The following SLC6A16 variants were observed in gnomAD, a reference collection of about 807,000 sequenced individuals.
The protein encoded by SLC6A16 is solute carrier family 6 member 16, also known as orphan sodium- and chloride-dependent neurotransmitter transporter NTT5.
Under a neutral mutation model 65.4 loss-of-function variants are expected in SLC6A16, and 54 were observed. The ratio of observed to expected loss-of-function variants is 0.83; its 90% CI spans 0.66 to 1.04. The LOEUF (loss-of-function observed/expected upper bound fraction) is 1.04. Among genes scored for constraint, SLC6A16 ranks in the 50% least tolerant of loss-of-function variants. The probability of loss-of-function intolerance (pLI) is 0.00; values close to 1 mark genes in which losing one functional copy is unlikely to be tolerated. For synonymous variants in SLC6A16, 330 were observed against 346.5 expected (o/e 0.95, Z 0.53); for missense variants, 816 against 914.0 (o/e 0.89, Z 1.38).
intron 1 of SLC6A16, among the ~76,000 whole-genome samples, chr19:49,313,498 G>A (rs1397028386): frequency 6.6e-6 from 1 of 151,846 alleles, no homozygotes; most frequent in Non-Finnish European, 1.5e-5. Context: ...ATAAAAATAC[G>A]GCCAGGCATG....
chr19:49,314,052 C>T (rs1970574144), intron 1 of SLC6A16, among the ~76,000 whole-genome samples: 2 of 151,046 alleles, frequency 1.3e-5, no homozygotes, highest in Non-Finnish European at 2.9e-5. Context: ...GCTGAGATCA[C>T]GCCACTACAC....
chr19:49,327,004 G>A (rs1364995669), upstream of SLC6A16, among the ~76,000 whole-genome samples: 1 of 151,242 alleles, frequency 6.6e-6, no homozygotes, highest in Non-Finnish European at 1.5e-5. Flanking sequence ...GGGTGATGGG[G>A]TAAGACCCTG....
At position 49,290,722 on chromosome 19, in the gene SLC6A16, G is replaced by A; in HGVS notation, c.1824C>T (p.Pro608=). 6.2e-7 allele frequency: 1 copy of A among 1,613,310 alleles called. No homozygotes were observed. Reference sequence around the variant, plus strand: ...GATGGGGCCACAGCCAACCAAAGATGGGAGAGATGGGGTGGCCCAACAGGA... The same window carrying A: ...GATGGGGCCACAGCCAACCAAAGATAGGAGAGATGGGGTGGCCCAACAGGA... ...LTILLGHPIS[P]IFGWLWPHLC... The change falls in exon 11 of 12, where the codon CCC becomes CCT. Residue 608 remains proline (P), a synonymous_variant. Coordinates refer to ENST00000335875, the MANE Select transcript of SLC6A16 (RefSeq NM_014037.3).
upstream of SLC6A16, among the ~76,000 whole-genome samples, chr19:49,325,629 G>A (rs1970787217): frequency 6.6e-6 from 1 of 152,138 alleles, no homozygotes; most frequent in African/African-American, 2.4e-5. Context: ...AAGCCTACTA[G>A]GGCTGCAGAC....
At chr19:49,338,787 T>C in the SLC6A16 span, 2 of 1,614,026 alleles carry the variant, frequency 1.2e-6, no homozygotes, top group Non-Finnish European at 1.7e-6. This position sits in a 1 kb window ranked among gnomAD's most constrained non-coding sequence, Gnocchi z 5.0. Context: ...CCGCGTGCCC[T>C]GCTCCTGCTA....
upstream of SLC6A16, among the ~76,000 whole-genome samples, chr19:49,325,413 G>A (rs1015548600): frequency 6.6e-6 from 1 of 152,188 alleles, no homozygotes; most frequent in African/African-American, 2.4e-5. Flanking sequence ...CTTCAGGCGG[G>A]GCTCTAAGAC....
At chr19:49,328,544 T>C (rs1250302025), upstream of SLC6A16, among the ~76,000 whole-genome samples, 2 of 152,210 alleles carry the variant, frequency 1.3e-5, no homozygotes, top group Non-Finnish European at 2.9e-5. Context: ...TGATTAGATC[T>C]GGGTAATAGC....
rs756669580 is a variant in SLC6A16 at position 49,290,773 on chromosome 19, G to A, written c.1779-6C>T. 2 of 1,601,926 alleles carry A rather than the reference G, an allele frequency of 1.2e-6. No homozygotes were observed. The highest frequency in any genetic ancestry group is 1.7e-4 in the Middle Eastern group (1 of 5,786). ...TCGTCAGGTCTGCAAGGAACCTGGA[G>A]AAGGGCCACCAGAGTGTGGGATGCC... On this transcript the variant is annotated splice_polypyrimidine_tract_variant and splice_region_variant and intron_variant, in intron 10 of 11. Transcript: ENST00000335875.
the SLC6A16 span, chr19:49,335,508 T>A: frequency 6.5e-7 from 1 of 1,527,010 alleles, no homozygotes; most frequent in Non-Finnish European, 9.1e-7. The surrounding 1 kb of genome is among the most constrained non-coding windows in gnomAD (Gnocchi z 4.6). Flanking sequence ...CTCTTCTGTG[T>A]GGTGAGTGGA....
At chr19:49,299,847 A>T (rs1437882095) in intron 7 of SLC6A16, among the ~76,000 whole-genome samples, 2 of 151,354 alleles carry the variant, frequency 1.3e-5, no homozygotes, top group Non-Finnish European at 2.9e-5. Flanking sequence ...ACATGGTGAA[A>T]CCCTGTCTCT....
intron 1 of SLC6A16, among the ~76,000 whole-genome samples, chr19:49,316,159 AAAT>A (rs938095067): frequency 6.6e-6 from 1 of 152,200 alleles, no homozygotes; most frequent in Admixed American, 6.5e-5. Context: ...TAAAATTTTA[AAAT>A]AATAATGCCA....
upstream of SLC6A16, among the ~76,000 whole-genome samples, chr19:49,326,434 C>T (rs1600659908): frequency 6.6e-6 from 1 of 152,270 alleles, no homozygotes; most frequent in East Asian, 1.9e-4. Context: ...AAAAGTGTTT[C>T]AAGAGCCCCC....
chr19:49,323,370 T>C (rs1360113269), intron 1 of SLC6A16, among the ~76,000 whole-genome samples: 2 of 152,170 alleles, frequency 1.3e-5, no homozygotes, highest in Non-Finnish European at 2.9e-5. Flanking sequence ...AGGATTTCAT[T>C]AAAATGTTTT....
At position 49,293,891 on chromosome 19, in the gene SLC6A16, CT is replaced by C; in HGVS notation, c.1553del (p.Gln518ArgfsTer22). On this transcript the variant is annotated frameshift_variant, in exon 9 of 12. Coordinates refer to ENST00000335875, the MANE Select transcript of SLC6A16 (RefSeq NM_014037.3). LOFTEE classifies it high-confidence loss of function. ...MGLSSAIGIM[Q>X]GIITPLQDTF... Reference sequence around the variant, plus strand: ...TGTCCTGGAGTGGAGTAATGATGCCCTGCATAATCCCTATTGCGCTGCTCAG... The same window carrying C: ...TGTCCTGGAGTGGAGTAATGATGCCCGCATAATCCCTATTGCGCTGCTCAG... 6.2e-7 allele frequency: 1 copy of C among 1,614,020 alleles called. No individual in the cohort carries two copies. The highest frequency in any genetic ancestry group is 1.1e-5 in the South Asian group (1 of 91,072).
chr19:49,319,996 A>C (rs2146170371), intron 1 of SLC6A16, among the ~76,000 whole-genome samples: 1 of 152,308 alleles, frequency 6.6e-6, no homozygotes, highest in African/African-American at 2.4e-5. Flanking sequence ...ATAAACTACA[A>C]GGGGAGTTAG....
rs5828385 is a variant in SLC6A16, at chr19:49,313,072, C to CAAAAAAAAAAAAAAAAAAAAA, written c.-64-1682_-64-1662dup. Among the ~76,000 whole-genome samples the CAAAAAAAAAAAAAAAAAAAAA allele has an allele frequency of 2.3e-4, 22 of 95,778 alleles. 1 individual carries two copies. Among genetic ancestry groups the CAAAAAAAAAAAAAAAAAAAAA allele is most frequent in the African/African-American group, 1.1e-3 (20 of 18,978 alleles). 62.8% of individuals were successfully genotyped at this position (95,778 alleles called of 152,430 possible). ...CACTCCAGCCTGGGCAACCCTGTCT[C>CAAAAAAAAAAAAAAAAAAAAA]AAAAAAAAAAAAAAAAAAAAAAAGA... On this transcript the variant is annotated intron_variant, in intron 1 of 11. Transcript: ENST00000335875.
chr19:49,335,073 G>T, the SLC6A16 span: 1 of 161,474 alleles, frequency 6.2e-6, no homozygotes, highest in Non-Finnish European at 1.4e-5. This position sits in a 1 kb window ranked among gnomAD's most constrained non-coding sequence, Gnocchi z 4.6. Flanking sequence ...CAGGAAATGG[G>T]AGACACAGCT....
chr19:49,298,039 T>C (rs551090044), intron 7 of SLC6A16, among the ~76,000 whole-genome samples: 1 of 152,240 alleles, frequency 6.6e-6, no homozygotes, highest in Non-Finnish European at 1.5e-5. Context: ...AGAGACAATA[T>C]GTGAACAAAC....
chr19:49,324,100 C>T (rs978734442), intron 1 of SLC6A16, among the ~76,000 whole-genome samples: 1 of 151,936 alleles, frequency 6.6e-6, no homozygotes, highest in Non-Finnish European at 1.5e-5. Flanking sequence ...GAAGCTGAGG[C>T]GGGTGGATCG....
Sources: allele counts gnomAD v4.1 joint callset (sites outside exome capture counted in the v4.1 genomes callset), GRCh38; gene constraint gnomAD v4.1.1; non-coding constraint Gnocchi (gnomAD v3.1); transcripts MANE v1.5; gene names NCBI Gene and HGNC (gene_info 2026-07-23, HGNC 2026-07-21).